The following GABRA3 variants were observed in gnomAD, a reference collection of about 807,000 sequenced individuals.
The protein encoded by GABRA3 is gamma-aminobutyric acid type A receptor subunit alpha3.
Under a neutral mutation model 30.1 loss-of-function variants are expected in GABRA3, and 10 were observed. The observed-to-expected ratio is 0.33, with a 90% CI of 0.20 to 0.56. GABRA3 has a LOEUF of 0.56. Among genes scored for constraint, GABRA3 ranks in the 20% least tolerant of loss-of-function variants. The pLI, the probability that GABRA3 is intolerant of heterozygous loss-of-function variation, is 0.89. For synonymous variants in GABRA3, 151 were observed against 146.8 expected (o/e 1.03, Z -0.21); for missense variants, 233 against 392.0 (o/e 0.59, Z 3.42).
At chrX:152,198,937 T>C (rs760819357) in intron 7 of GABRA3, among the ~76,000 whole-genome samples, 1 of 112,192 alleles carries the variant, frequency 8.9e-6, no homozygotes, top group South Asian at 3.7e-4. Context: ...AATAGTGTTA[T>C]TGCAGATGTA....
chrX:152,291,444 A>G (rs1189946408), intron 3 of GABRA3, among the ~76,000 whole-genome samples: 5 of 111,929 alleles, frequency 4.5e-5, no homozygotes, highest in South Asian at 3.8e-4. Context: ...ATATACAGTC[A>G]CGTCATCTGC....
intron 6 of GABRA3, among the ~76,000 whole-genome samples, chrX:152,212,008 G>C (rs1395175689): frequency 9.1e-6 from 1 of 109,676 alleles, no homozygotes; most frequent in Non-Finnish European, 1.9e-5. Flanking sequence ...GTTAGTCTGG[G>C]TGCAGTGGCT....
intron 1 of GABRA3, among the ~76,000 whole-genome samples, chrX:152,425,661 T>C (rs1356522347): frequency 9.0e-6 from 1 of 111,069 alleles, no homozygotes; most frequent in Non-Finnish European, 1.9e-5. Flanking sequence ...CACATGATTG[T>C]TTTTTATGTT....
intron 3 of GABRA3, among the ~76,000 whole-genome samples, chrX:152,321,246 G>C (rs756486820): frequency 2.7e-5 from 3 of 111,586 alleles, no homozygotes; most frequent in African/African-American, 9.7e-5. Flanking sequence ...TCCCAAACTT[G>C]GCTACATATT....
chrX:152,278,739 G>A (rs1939139653), intron 4 of GABRA3, among the ~76,000 whole-genome samples: 1 of 111,833 alleles, frequency 8.9e-6, no homozygotes, highest in Non-Finnish European at 1.9e-5. Context: ...GTGTAAAAGT[G>A]TTCCTATTTC....
chrX:152,331,940 A>T (rs1940171674), intron 3 of GABRA3, among the ~76,000 whole-genome samples: 1 of 112,183 alleles, frequency 8.9e-6, no homozygotes, highest in South Asian at 3.7e-4. Context: ...TAGTCATTAA[A>T]GTTTTCTCTG....
intron 7 of GABRA3, among the ~76,000 whole-genome samples, chrX:152,207,554 C>T (rs1389885959): frequency 4.5e-5 from 5 of 112,015 alleles, no homozygotes; most frequent in Non-Finnish European, 9.4e-5. Flanking sequence ...ATGGCTACTC[C>T]CTGGGCATCC....
intron 6 of GABRA3, among the ~76,000 whole-genome samples, chrX:152,214,919 T>A (rs1188937805): frequency 9.1e-6 from 1 of 109,436 alleles, no homozygotes; most frequent in African/African-American, 3.3e-5. Flanking sequence ...GGATTTTGTA[T>A]CCTTCCACGT....
chrX:152,426,331 T>C (rs1433879393), intron 1 of GABRA3, among the ~76,000 whole-genome samples: 3 of 111,794 alleles, frequency 2.7e-5, no homozygotes, highest in African/African-American at 9.7e-5. Flanking sequence ...TCATGTTTAG[T>C]ATGTAAAGGA....
intron 3 of GABRA3, among the ~76,000 whole-genome samples, chrX:152,341,907 CTG>C (rs1365425510): frequency 9.2e-6 from 1 of 108,588 alleles, no homozygotes; most frequent in African/African-American, 3.4e-5. Context: ...GAGTCTCACT[CTG>C]TTGCCCAGGC....
intron 7 of GABRA3, among the ~76,000 whole-genome samples, chrX:152,205,485 T>C (rs770998121): frequency 4.5e-5 from 5 of 111,803 alleles, no homozygotes; most frequent in Admixed American, 1.9e-4. Context: ...TTTAAATAGA[T>C]TGTGATCCAT....
intron 5 of GABRA3, among the ~76,000 whole-genome samples, chrX:152,243,537 C>T (rs1243942309): frequency 8.9e-6 from 1 of 111,751 alleles, no homozygotes; most frequent in Non-Finnish European, 1.9e-5. Context: ...CACCATGAAC[C>T]CAGCTTGTAG....
chrX:152,358,201 ATTTG>A (rs1191307218), intron 2 of GABRA3, among the ~76,000 whole-genome samples: 1 of 110,837 alleles, frequency 9.0e-6, no homozygotes, highest in African/African-American at 3.3e-5. Flanking sequence ...AATTTTTTTC[ATTTG>A]TTTGTGTCAT....
At chrX:152,267,214 T>C (rs749981289) in intron 4 of GABRA3, among the ~76,000 whole-genome samples, 158 of 112,317 alleles carry the variant, frequency 1.4e-3, no homozygotes, top group Non-Finnish European at 2.4e-3. Flanking sequence ...AGGGCTTTCA[T>C]CATAAATGGA....
chrX:152,329,766 C>T (rs1307627458), intron 3 of GABRA3, among the ~76,000 whole-genome samples: 1 of 111,781 alleles, frequency 8.9e-6, no homozygotes, highest in African/African-American at 3.3e-5. Context: ...CTAGGTGAAA[C>T]CATTCAGGAC....
chrX:152,357,651 T>C (rs1298741310), intron 2 of GABRA3, among the ~76,000 whole-genome samples: 1 of 111,946 alleles, frequency 8.9e-6, no homozygotes, highest in Non-Finnish European at 1.9e-5. Context: ...CAATTTTTGG[T>C]TTTGTTGCAA....
chrX:152,285,220 A>G (rs1055275081), intron 3 of GABRA3, among the ~76,000 whole-genome samples: 5 of 112,149 alleles, frequency 4.5e-5, no homozygotes, highest in African/African-American at 1.6e-4. Context: ...AAGACCCTCC[A>G]TGCCATGATG....
chrX:152,350,331 C>G (rs1419519369), intron 2 of GABRA3, among the ~76,000 whole-genome samples: 6 of 95,734 alleles, frequency 6.3e-5, no homozygotes, highest in Non-Finnish European at 1.0e-4. Context: ...ATTTATAGCA[C>G]TAAATGCCCA....
At chrX:152,279,319 T>G (rs1400633380) in intron 4 of GABRA3, among the ~76,000 whole-genome samples, 1 of 112,081 alleles carries the variant, frequency 8.9e-6, no homozygotes, top group African/African-American at 3.2e-5. Flanking sequence ...AGTTTCAGCT[T>G]TCTCCATATG....
Sources: gnomAD v4.1 joint callset for allele counts (sites outside exome capture counted in the v4.1 genomes callset) on GRCh38, gnomAD v4.1.1 for gene constraint, MANE v1.5 for transcripts, NCBI Gene and HGNC (gene_info 2026-07-23, HGNC 2026-07-21) for gene names.